KLHL32: variants seen among roughly 807,000 people sequenced by gnomAD.
KLHL32 encodes kelch-like protein 32.
In KLHL32, 35 loss-of-function variants were observed where a neutral mutation model predicts 64.8. The observed-to-expected ratio is 0.54, with a 90% CI of 0.41 to 0.72. The LOEUF is 0.72. KLHL32 is among the 30% of genes least tolerant of loss of function. KLHL32 has a pLI of 0.00. For missense variants in KLHL32, 589 were observed against 768.5 expected (o/e 0.77, Z 2.76); for synonymous variants, 259 against 281.0 (o/e 0.92, Z 0.78).
intron 1 of KLHL32, among the ~76,000 whole-genome samples, chr6:96,945,792 G>T (rs909474562): frequency 1.3e-5 from 2 of 152,082 alleles, no homozygotes; most frequent in African/African-American, 4.8e-5. Flanking sequence ...AGTGCTTTTG[G>T]CATGAACCTG....
chr6:97,100,019 C>T lies in KLHL32; in HGVS notation c.628-13764C>T, dbSNP rs567424441. 1.8e-4 allele frequency among the ~76,000 whole-genome samples: 27 copies of T among 152,186 alleles called. No homozygotes were observed. The South Asian group carries it at 5.0e-3, about 28-fold the overall frequency. ...AATTAGCCAGGCGCGGTGGTGCACA[C>T]CTGTAATCCCAGCTACTCAGGCTGA... On this transcript the variant is annotated intron_variant, in intron 6 of 10. Transcript: ENST00000369261.
At chr6:97,087,846 CACCGA>C in intron 6 of KLHL32, among the ~76,000 whole-genome samples, 1 of 152,302 alleles carries the variant, frequency 6.6e-6, no homozygotes, top group South Asian at 2.1e-4. Context: ...AAATTAACCT[CACCGA>C]ACCAACTCTT....
chr6:97,083,126 T>C lies in KLHL32; in HGVS notation c.412-2000T>C, dbSNP rs146354306. ...CTTGGGGAAGGCTGGGTGCCGTGGC[T>C]CATGCCTGTAATCCTAGCACTTTGG... On this transcript the variant is annotated intron_variant, in intron 5 of 10. Transcript: ENST00000369261. Among the ~76,000 whole-genome samples the C allele has an allele frequency of 6.0e-4, 92 of 152,266 alleles. No homozygotes were observed. In the East Asian group the frequency reaches 0.015, roughly 25 times the overall value.
At chr6:96,992,068 T>A (rs1243706525) in intron 3 of KLHL32, among the ~76,000 whole-genome samples, 2 of 152,272 alleles carry the variant, frequency 1.3e-5, no homozygotes, top group South Asian at 2.1e-4. Flanking sequence ...CCCAGGCCAG[T>A]GGGCCATGTC....
chr6:96,919,612 T>A, the KLHL32 span, among the ~76,000 whole-genome samples: 1 of 152,202 alleles, frequency 6.6e-6, no homozygotes, highest in South Asian at 2.1e-4. Context: ...TGATGCTTAT[T>A]ATTTTCCAAT....
At chr6:96,973,119 G>GT (rs1316456889) in intron 2 of KLHL32, among the ~76,000 whole-genome samples, 1 of 152,200 alleles carries the variant, frequency 6.6e-6, no homozygotes, top group Non-Finnish European at 1.5e-5. Flanking sequence ...TGTGCCAACT[G>GT]TTGTCTTAAA....
At chr6:96,950,970 C>G (rs745951219) in intron 1 of KLHL32, among the ~76,000 whole-genome samples, 12 of 152,110 alleles carry the variant, frequency 7.9e-5, no homozygotes, top group African/African-American at 2.7e-4. Flanking sequence ...CTCAAGAAAG[C>G]CTTGTAATAC....
chr6:97,052,563 G>C (rs1047973881), intron 4 of KLHL32, among the ~76,000 whole-genome samples: 2 of 152,158 alleles, frequency 1.3e-5, no homozygotes, highest in African/African-American at 2.4e-5. Flanking sequence ...GCATTCCGGC[G>C]TGCAGGCTGT....
At chr6:96,924,594 G>A (rs1233047165), upstream of KLHL32, 1 of 151,938 alleles carries the variant, frequency 6.6e-6, no homozygotes, top group African/African-American at 2.4e-5. Context: ...CGGGCTAGCT[G>A]GAGGCGGGAG....
chr6:97,013,549 C>T (rs1225544960), intron 3 of KLHL32, among the ~76,000 whole-genome samples: 1 of 152,208 alleles, frequency 6.6e-6, no homozygotes, highest in Non-Finnish European at 1.5e-5. Context: ...CATACATACA[C>T]AGACACACAC....
intron 6 of KLHL32, among the ~76,000 whole-genome samples, chr6:97,092,952 G>GT (rs530539812): frequency 2.0e-5 from 3 of 152,042 alleles, no homozygotes; most frequent in South Asian, 2.1e-4. Context: ...TGAGTTAATA[G>GT]TTTTTTTTCT....
rs1791831348 is a variant in KLHL32 at position 97,077,735 on chromosome 6, CTAT to C, written c.412-7386_412-7384del. Among the ~76,000 whole-genome samples the C allele has an allele frequency of 2.6e-5, 4 of 152,282 alleles. 1 individual carries two copies. In the South Asian group the frequency reaches 8.3e-4, roughly 32 times the overall value. ...CTGTTAAGTTGTATCTATAACCAAG[CTAT>C]TATTTCCTCTTTTCATGTAAAGTCA... is the stretch of plus-strand genomic sequence containing the variant. On this transcript the variant is annotated intron_variant, in intron 5 of 10. Transcript: ENST00000369261.
intron 6 of KLHL32, among the ~76,000 whole-genome samples, chr6:97,088,914 G>T (rs1318266201): frequency 2.0e-5 from 3 of 152,110 alleles, no homozygotes; most frequent in Non-Finnish European, 4.4e-5. Context: ...TCTGCCTTTA[G>T]GTTCTCTTTC....
chr6:97,019,682 G>C (rs1230971059), intron 3 of KLHL32, among the ~76,000 whole-genome samples: 1 of 152,150 alleles, frequency 6.6e-6, no homozygotes, highest in Non-Finnish European at 1.5e-5. Flanking sequence ...TTAAAAATAG[G>C]AGACATCCAA....
At position 97,041,072 on chromosome 6, in the gene KLHL32, G is replaced by C. The variant is rs1340998343; in HGVS notation, c.205-420G>C. On this transcript the variant is annotated intron_variant, in intron 3 of 10. Coordinates refer to ENST00000369261, the MANE Select transcript of KLHL32 (RefSeq NM_052904.4). ...ATACAATGGCAGATGAGAGGAACTA[G>C]CTGTTTCATTGGACTGAGGCAGAAA... 2.0e-5 allele frequency among the ~76,000 whole-genome samples: 3 copies of C among 152,202 alleles called. No individual in the cohort carries two copies. In the South Asian group the frequency reaches 6.2e-4, roughly 31 times the overall value.
chr6:96,936,392 C>T (rs1199914168), intron 1 of KLHL32, among the ~76,000 whole-genome samples: 1 of 152,106 alleles, frequency 6.6e-6, no homozygotes, highest in Non-Finnish European at 1.5e-5. Context: ...AGCATAGTTC[C>T]CTATACATGC....
At chr6:96,910,299 T>A in the KLHL32 span, among the ~76,000 whole-genome samples, 1 of 151,436 alleles carries the variant, frequency 6.6e-6, no homozygotes, top group South Asian at 2.1e-4. Flanking sequence ...AAAAAAAAAT[T>A]AGACAAAATT....
chr6:96,958,501 T>A (rs996911640), intron 1 of KLHL32, among the ~76,000 whole-genome samples: 1 of 152,170 alleles, frequency 6.6e-6, no homozygotes, highest in Admixed American at 6.5e-5. Context: ...TTGATGAGTA[T>A]GTCTGTATGA....
At chr6:97,066,356 A>T (rs1251039588) in intron 5 of KLHL32, among the ~76,000 whole-genome samples, 3 of 152,226 alleles carry the variant, frequency 2.0e-5, no homozygotes, top group Non-Finnish European at 4.4e-5. Context: ...AGAATTCCAG[A>T]TGAACATTAA....
Sources: allele counts gnomAD v4.1 joint callset (sites outside exome capture counted in the v4.1 genomes callset), GRCh38; gene constraint gnomAD v4.1.1; transcripts MANE v1.5; gene names NCBI Gene and HGNC (gene_info 2026-07-23, HGNC 2026-07-21).